The following SMAD4 variants were observed in gnomAD, a reference collection of about 807,000 sequenced individuals.
SMAD4 encodes MAD homolog 4.
A neutral mutation model predicts 63.2 loss-of-function variants in SMAD4; 7 were observed. That is an observed-to-expected ratio of 0.11 (90% confidence interval 0.06 to 0.21). SMAD4 has a LOEUF of 0.21. Among genes scored for constraint, SMAD4 ranks in the 10% least tolerant of loss-of-function variants. The pLI, the probability that SMAD4 is intolerant of heterozygous loss-of-function variation, is 1.00. For missense variants in SMAD4, 312 were observed against 693.8 expected, an observed-to-expected ratio of 0.45 and a Z score of 6.18; for synonymous variants, 215 against 235.4, an observed-to-expected ratio of 0.91 and a Z score of 0.79.
chr18:51,037,515 A>G (rs1315049407), intron 1 of SMAD4, among the ~76,000 whole-genome samples: 4 of 152,222 alleles, frequency 2.6e-5, no homozygotes, highest in Admixed American at 6.5e-5. Context: ...ACACATAAGC[A>G]TTTGAAAAAA....
intron 10 of SMAD4, among the ~76,000 whole-genome samples, chr18:51,070,790 G>A (rs1910296116): frequency 6.6e-6 from 1 of 152,156 alleles, no homozygotes; most frequent in Non-Finnish European, 1.5e-5. Flanking sequence ...AGCGAGCTCA[G>A]TTTTCAGATT....
rs1342788332 is a variant in SMAD4 at position 51,043,157 on chromosome 18, A to G, written c.-127-3763A>G. Among the ~76,000 whole-genome samples the G allele has an allele frequency of 1.3e-5, 2 of 152,222 alleles. 1 individual carries two copies. The highest frequency in any genetic ancestry group is 2.9e-5 in the Non-Finnish European group (2 of 68,038). On this transcript the variant is annotated intron_variant, in intron 1 of 11. Transcript: ENST00000342988. ...AAGTAGTTTAGAATTTTGTTTCAGT[A>G]AAGCTAAGGTGGTGATATAAATTAT...
intron 3 of SMAD4, 59 bp from the exon 4 acceptor site, chr18:51,049,236 G>A (rs2144407217): frequency 7.9e-7 from 1 of 1,263,262 alleles, no homozygotes; most frequent in East Asian, 2.3e-5. Flanking sequence ...TTTTTAAATG[G>A]AAAATACTTT....
At chr18:51,068,467 G>A (rs1910223744) in intron 10 of SMAD4, among the ~76,000 whole-genome samples, 2 of 151,988 alleles carry the variant, frequency 1.3e-5, no homozygotes, top group South Asian at 2.1e-4. Flanking sequence ...AAACATAATC[G>A]CGGTGCTATT....
At chr18:51,065,705 TTAAA>T in intron 9 of SMAD4, 99 bp downstream of exon 9, 1 of 919,808 alleles carries the variant, frequency 1.1e-6, no homozygotes, top group Admixed American at 2.7e-5. Flanking sequence ...ATATGTGTTC[TTAAA>T]TATAAATAAA....
At chr18:51,035,911 G>A (rs1909190719) in intron 1 of SMAD4, among the ~76,000 whole-genome samples, 1 of 152,160 alleles carries the variant, frequency 6.6e-6, no homozygotes, top group South Asian at 2.1e-4. Flanking sequence ...AGGAGGCATG[G>A]GAATCTGTGT....
chr18:51,051,836 C>A (rs765877858), intron 4 of SMAD4, among the ~76,000 whole-genome samples: 2 of 151,588 alleles, frequency 1.3e-5, no homozygotes, highest in Non-Finnish European at 2.9e-5. Flanking sequence ...GACGGAGTTT[C>A]GCTCTTGTTG....
chr18:51,065,442 C>T lies in SMAD4; in HGVS notation c.975C>T (p.Ser325=), dbSNP rs1228827259. 3.1e-6 allele frequency: 5 copies of T among 1,613,652 alleles called. No individual in the cohort carries two copies. The highest frequency in any genetic ancestry group is 2.7e-5 in the African/African-American group (2 of 74,880). ...CTATAGCTCCTGAGTATTGGTGTTC[C>T]ATTGCTTACTTTGAAATGGATGTTC... is the stretch of plus-strand genomic sequence containing the variant. ...SNHPAPEYWC[S]IAYFEMDVQV... The change falls in exon 9 of 12, where the codon TCC becomes TCT. Residue 325 remains serine (S), a synonymous_variant. Coordinates refer to ENST00000342988, the MANE Select transcript of SMAD4 (RefSeq NM_005359.6).
chr18:51,037,540 A>T (rs1183487223), intron 1 of SMAD4, among the ~76,000 whole-genome samples: 15 of 152,232 alleles, frequency 9.9e-5, no homozygotes, highest in Non-Finnish European at 2.1e-4. Context: ...GGTTTCACTT[A>T]ATAATCCCCT....
In SMAD4 at chr18:51,077,584, AT is replaced by A. The variant is rs3838887; in HGVS notation, c.1448-671del. Among the ~76,000 whole-genome samples, 260 of 152,304 alleles carry A rather than the reference AT, an allele frequency of 1.7e-3. 9 individuals are homozygous for A. Among genetic ancestry groups the A allele is most frequent in the Admixed American group, 0.014 (212 of 15,306 alleles). On this transcript the variant is annotated intron_variant, in intron 11 of 11. Coordinates refer to ENST00000342988, the MANE Select transcript of SMAD4 (RefSeq NM_005359.6). ...TTAGATGCAGTCTCCATTGTGACTT[AT>A]GTTCAGGAGTTTACAATTTAGAGGT...
At chr18:51,049,234 T>C (rs972410674) in intron 3 of SMAD4, 61 bp from the exon 4 acceptor site, 2 of 1,246,504 alleles carry the variant, frequency 1.6e-6, no homozygotes, top group Admixed American at 1.8e-5. Context: ...TGTTTTTAAA[T>C]GGAAAATACT....
chr18:51,071,405 T>G (rs748931224), intron 10 of SMAD4, among the ~76,000 whole-genome samples: 1 of 152,184 alleles, frequency 6.6e-6, no homozygotes, highest in Non-Finnish European at 1.5e-5. Flanking sequence ...CCTTCTAAGT[T>G]GACTTTTTTT....
In SMAD4 at chr18:51,078,245, T is replaced by C. The variant is rs2144477856; in HGVS notation, c.1448-11T>C. 1 of 1,612,890 alleles carries C rather than the reference T, an allele frequency of 6.2e-7. No homozygotes were observed. The highest frequency in any genetic ancestry group is 2.2e-5 in the East Asian group (1 of 44,884). ...CTGTCCCTCTGATGTCTTCCAAATC[T>C]TTTCTGTTAGGTCTGTCAGCTGCTG... On this transcript the variant is annotated splice_polypyrimidine_tract_variant and intron_variant, in intron 11 of 11. Coordinates refer to ENST00000342988, the MANE Select transcript of SMAD4 (RefSeq NM_005359.6).
chr18:51,038,000 T>C (rs1211385845), intron 1 of SMAD4, among the ~76,000 whole-genome samples: 1 of 152,034 alleles, frequency 6.6e-6, no homozygotes, highest in Non-Finnish European at 1.5e-5. Flanking sequence ...TTAAAAAAAA[T>C]ATGTTGGGCT....
chr18:51,045,849 G>A (rs533777459), intron 1 of SMAD4, among the ~76,000 whole-genome samples: 2 of 151,974 alleles, frequency 1.3e-5, no homozygotes, highest in Admixed American at 1.3e-4. Context: ...CTGTGGATTT[G>A]CCTATTCTGT....
At chr18:51,031,307 G>C in intron 1 of SMAD4, among the ~76,000 whole-genome samples, 1 of 152,178 alleles carries the variant, frequency 6.6e-6, no homozygotes, top group Admixed American at 6.5e-5. Context: ...CCAAACTGCT[G>C]TTAGGATTTC....
At chr18:51,035,696 C>A (rs1909182782) in intron 1 of SMAD4, among the ~76,000 whole-genome samples, 2 of 152,288 alleles carry the variant, frequency 1.3e-5, no homozygotes, top group South Asian at 4.1e-4. Flanking sequence ...GAGACATTTG[C>A]TCAGCTAGGC....
chr18:51,034,986 T>G (rs1389066463), intron 1 of SMAD4, among the ~76,000 whole-genome samples: 4 of 152,232 alleles, frequency 2.6e-5, no homozygotes, highest in Non-Finnish European at 5.9e-5. Flanking sequence ...ATTGAGTCAT[T>G]AGGGTCCTCT....
chr18:51,061,512 T>G (rs1910013499), intron 8 of SMAD4, among the ~76,000 whole-genome samples: 2 of 152,220 alleles, frequency 1.3e-5, no homozygotes, highest in South Asian at 2.1e-4. Context: ...TCTATCCATG[T>G]TGTCTCAAGT....
Sources: allele counts gnomAD v4.1 joint callset (sites outside exome capture counted in the v4.1 genomes callset), GRCh38; gene constraint gnomAD v4.1.1; transcripts MANE v1.5; gene names NCBI Gene and HGNC (gene_info 2026-07-23, HGNC 2026-07-21).